The following NMI variants were observed in gnomAD, a reference collection of about 807,000 sequenced individuals.
NMI encodes the protein N-myc and STAT interactor.
NMI carries 39 observed loss-of-function variants against 34.3 expected under a neutral mutation model. The ratio of observed to expected loss-of-function variants is 1.14; its 90% confidence interval spans 0.88 to 1.49. The LOEUF (loss-of-function observed/expected upper bound fraction) is 1.49, where lower values mean the gene tolerates loss of function less well. Ranked by LOEUF, NMI falls within the 40% of genes most tolerant of loss-of-function variation. The probability of loss-of-function intolerance (pLI) is 0.00; values close to 1 mark genes in which losing one functional copy is unlikely to be tolerated. For synonymous variants in NMI, 113 were observed against 120.3 expected, an observed-to-expected ratio of 0.94 and a Z score of 0.40; for missense variants, 339 against 358.1, an observed-to-expected ratio of 0.95 and a Z score of 0.43.
chr2:151,280,565 A>C (rs185927388), intron 3 of NMI, among the ~76,000 whole-genome samples: 76 of 152,312 alleles, frequency 5.0e-4, no homozygotes, highest in African/African-American at 1.8e-3. Flanking sequence ...AGAGTGAGAA[A>C]GCTTGATTCT....
intron 1 of NMI, among the ~76,000 whole-genome samples, chr2:151,289,271 A>G (rs1573751095): frequency 1.3e-5 from 2 of 151,496 alleles, no homozygotes; most frequent in African/African-American, 4.8e-5. Context: ...AAAAAAAAAA[A>G]AAAAAGAGAG....
rs921007905 is a variant in NMI at position 151,278,918 on chromosome 2, A to C, written c.250T>G (p.Ser84Ala). The change falls in exon 4 of 8, where the codon TCA becomes GCA. Residue 84 changes from serine to alanine, a missense_variant. By Grantham distance (99) the Ser-to-Ala change is moderately conservative. Coordinates refer to ENST00000243346, the MANE Select transcript of NMI (RefSeq NM_004688.3). Reference protein sequence around the residue: ...VETPENDSQLSNISCSFQVSS... With the variant: ...VETPENDSQLANISCSFQVSS... ...ACTTGAAACGAACAGGAGATATTTG[A>C]CAACTGGCTGTCATTCTCAGGAGTT... The C allele has an allele frequency of 2.5e-6, 4 of 1,612,578 alleles. No individual in the cohort carries two copies. The highest frequency in any genetic ancestry group is 1.6e-4 in the Middle Eastern group (1 of 6,078).
In NMI at chr2:151,271,690, A is replaced by G. The variant is rs773751305; in HGVS notation, c.677T>C (p.Ile226Thr). The G allele has an allele frequency of 6.3e-7, 1 of 1,585,816 alleles. No homozygotes were observed. Among genetic ancestry groups the G allele is most frequent in the African/African-American group, 1.3e-5 (1 of 74,266 alleles). Reference protein sequence around the residue: ...ILKKKEYPLYINQTCHRVTVS... With the variant: ...ILKKKEYPLYTNQTCHRVTVS... Reference sequence around the variant, plus strand: ...AGTAACTCTATGGCAGGTTTGATTTATATAAAGAGGGTATTCTTTCTTTTT... The same window carrying G: ...AGTAACTCTATGGCAGGTTTGATTTGTATAAAGAGGGTATTCTTTCTTTTT... Residue 226 changes from isoleucine to threonine, a missense_variant, in exon 7 of 8, where the codon ATA (isoleucine) becomes ACA (threonine). Transcript: ENST00000243346.
chr2:151,274,611 G>A (rs1683255101), intron 6 of NMI, among the ~76,000 whole-genome samples: 2 of 151,076 alleles, frequency 1.3e-5, no homozygotes, highest in Admixed American at 1.3e-4. Context: ...GAGTAGCTGG[G>A]ATTACAGGCA....
At chr2:151,271,761 CT>C in intron 6 of NMI, 29 bp from the exon 7 acceptor site, 1 of 1,065,744 alleles carries the variant, frequency 9.4e-7, no homozygotes, top group Non-Finnish European at 1.4e-6. Flanking sequence ...CAATACTTGT[CT>C]TTTTTATATC....
At position 151,282,859 on chromosome 2, in the gene NMI, C is replaced by T; in HGVS notation, c.81+9G>A. 1 of 1,371,680 alleles carries T rather than the reference C, an allele frequency of 7.3e-7. No individual in the cohort carries two copies. 85.0% of individuals were successfully genotyped at this position (1,371,680 alleles called of 1,614,324 possible). A position where few individuals can be genotyped will look rare whatever the true frequency, so the allele number is the denominator to read the frequency against. On this transcript the variant is annotated intron_variant, in intron 2 of 7. Transcript: ENST00000243346. ...AATTTTTAATAATACCCAGTAATTT[C>T]CTTTTTACCTTATTTTGTTCATCTT...
chr2:151,279,285 A>G (rs1048973027), intron 3 of NMI, among the ~76,000 whole-genome samples: 2 of 152,224 alleles, frequency 1.3e-5, no homozygotes, highest in African/African-American at 4.8e-5. Context: ...GTTCAGTTCT[A>G]AAGCCTACAT....
rs11551174 is a variant in NMI at position 151,278,901 on chromosome 2, C to T, written c.267G>A (p.Ser89=). 103,396 of 1,612,616 alleles carry T rather than the reference C, an allele frequency of 0.064. 3,719 individuals are homozygous for T. The highest frequency in any genetic ancestry group is 0.093 in the Admixed American group (5,592 of 59,968). The change falls in exon 4 of 8, where the codon TCG becomes TCA. Residue 89 remains serine (S), a synonymous_variant. Transcript: ENST00000243346. ...NDSQLSNISC[S]FQVSSKVPYE... ...AAGGAACTTTCGAGCTCACTTGAAA[C>T]GAACAGGAGATATTTGACAACTGGC...
At chr2:151,284,254 C>A (rs1398609454) in intron 1 of NMI, among the ~76,000 whole-genome samples, 1 of 152,012 alleles carries the variant, frequency 6.6e-6, no homozygotes, top group African/African-American at 2.4e-5. Context: ...AGTCATATTT[C>A]AATACAATTG....
Position 151,270,757 on chromosome 2 carries a change from C to A in NMI, c.860G>T (p.Gly287Val), listed in dbSNP as rs560825336. 2 of 1,614,020 alleles carry A rather than the reference C, an allele frequency of 1.2e-6. No individual in the cohort carries two copies. The highest frequency in any genetic ancestry group is 1.7e-6 in the Non-Finnish European group (2 of 1,179,916). Residue 287 changes from glycine (G) to valine (V), a missense_variant, in exon 8 of 8, where the codon GGT becomes GTT. By Grantham distance (109) the Gly-to-Val change is moderately radical (BLOSUM62 -3). Coordinates refer to ENST00000243346, the MANE Select transcript of NMI (RefSeq NM_004688.3). ...NIHFQRAKNG[G>V]GEVDVVKCSL... ...ACACTTGACCACATCTACTTCTCCA[C>A]CTCCATTCTTTGCCCGTTGAAAGTG...
intron 4 of NMI, chr2:151,278,054 T>A (rs1049785513): frequency 3.3e-5 from 5 of 152,196 alleles, no homozygotes; most frequent in Non-Finnish European, 7.3e-5. Context: ...AAAACTAACA[T>A]CCATTAAGTT....
chr2:151,278,669 T>C, intron 4 of NMI, 159 bp downstream of exon 4: 2 of 598,682 alleles, frequency 3.3e-6, no homozygotes, highest in South Asian at 4.1e-5. Flanking sequence ...TCAGAGTCAG[T>C]TTTCTCATCT....
At chr2:151,275,031 C>T (rs923224507) in intron 6 of NMI, among the ~76,000 whole-genome samples, 3 of 151,782 alleles carry the variant, frequency 2.0e-5, no homozygotes, top group African/African-American at 7.3e-5. Context: ...CAGGCACGCA[C>T]CACTATGCCT....
At chr2:151,285,117 A>G (rs531755793) in intron 1 of NMI, among the ~76,000 whole-genome samples, 2 of 152,320 alleles carry the variant, frequency 1.3e-5, no homozygotes, top group Non-Finnish European at 2.9e-5. Context: ...ACAAACACAT[A>G]CAATATGATG....
intron 1 of NMI, among the ~76,000 whole-genome samples, chr2:151,284,217 G>A (rs1683454420): frequency 6.6e-6 from 1 of 151,854 alleles, no homozygotes; most frequent in African/African-American, 2.4e-5. Context: ...AAATTAGCTG[G>A]GCGTGGTGCC....
In NMI at chr2:151,275,758, C is replaced by T; in HGVS notation, c.447G>A (p.Gln149=). 1 of 1,612,168 alleles carries T rather than the reference C, an allele frequency of 6.2e-7. No individual in the cohort carries two copies. Among genetic ancestry groups the T allele is most frequent in the Non-Finnish European group, 8.5e-7 (1 of 1,178,422 alleles). ...PVPLNSGVRF[Q]VYVEVSKMKI... ...CAAAAAATTTTAATCATCCTGTTAC[C>T]TGGAATCTGACTCCTGAATTTAATG... is the stretch of plus-strand genomic sequence containing the variant. The change falls in exon 5 of 8, where the codon CAG becomes CAA. Residue 149 remains glutamine, a splice_region_variant and synonymous_variant. Coordinates refer to ENST00000243346, the MANE Select transcript of NMI (RefSeq NM_004688.3).
chr2:151,279,036 C>T, intron 3 of NMI, 46 bp from the exon 4 acceptor site: 1 of 1,286,124 alleles, frequency 7.8e-7, no homozygotes, highest in Non-Finnish European at 1.1e-6. Context: ...CGAGAAATAA[C>T]TTAAGTCCTT....
intron 3 of NMI, among the ~76,000 whole-genome samples, chr2:151,280,518 C>G (rs1175804672): frequency 6.6e-6 from 1 of 152,144 alleles, no homozygotes; most frequent in East Asian, 1.9e-4. Flanking sequence ...TGCAGAAATA[C>G]CCAGTATATG....
chr2:151,282,005 T>C lies in NMI; in HGVS notation c.120A>G (p.Leu40=), dbSNP rs890961626. The C allele has an allele frequency of 3.8e-6, 6 of 1,559,636 alleles. No individual in the cohort carries two copies. The African/African-American group carries it at 6.8e-5, about 18-fold the overall frequency. Residue 40 remains leucine, a synonymous_variant, in exon 3 of 8, where the codon CTA becomes CTG. Coordinates refer to ENST00000243346, the MANE Select transcript of NMI (RefSeq NM_004688.3). ...IDEITKKNIQ[L]KKEIQKLETE... ...TTTCAAGCTTTTGGATCTCCTTCTT[T>C]AGTTGAATATTTTTCTTTGTAATTT...
Sources: allele counts gnomAD v4.1 joint callset (sites outside exome capture counted in the v4.1 genomes callset), GRCh38; gene constraint gnomAD v4.1.1; transcripts MANE v1.5; gene names NCBI Gene and HGNC (gene_info 2026-07-23, HGNC 2026-07-21).